SNTB1: variants seen among roughly 807,000 people sequenced by gnomAD.
SNTB1 encodes beta-1-syntrophin.
Under a neutral mutation model 48.9 loss-of-function variants are expected in SNTB1, and 36 were observed. That is an observed-to-expected ratio of 0.74 (90% CI 0.56 to 0.97). SNTB1 has a LOEUF of 0.97. Ranked by LOEUF, SNTB1 falls within the 50% of genes least tolerant of loss-of-function variation. The probability of loss-of-function intolerance (pLI) is 0.00; values close to 1 mark genes in which losing one functional copy is unlikely to be tolerated. For missense variants in SNTB1, 786 were observed against 703.4 expected (o/e 1.12, Z -1.33); for synonymous variants, 299 against 294.6 (o/e 1.01, Z -0.15).
At chr8:120,678,198 T>C (rs1817870269) in intron 2 of SNTB1, among the ~76,000 whole-genome samples, 1 of 150,308 alleles carries the variant, frequency 6.7e-6, no homozygotes, top group Admixed American at 6.6e-5. Flanking sequence ...AGTTTTGACT[T>C]CCACTGAGAA....
chr8:120,567,161 G>C (rs547190591), intron 4 of SNTB1, among the ~76,000 whole-genome samples: 3 of 152,228 alleles, frequency 2.0e-5, no homozygotes, highest in Admixed American at 6.5e-5. Flanking sequence ...AACCTTATGG[G>C]GTTGTGAGGG....
chr8:120,568,281 T>C (rs938072633), intron 4 of SNTB1, among the ~76,000 whole-genome samples: 1 of 152,148 alleles, frequency 6.6e-6, no homozygotes, highest in African/African-American at 2.4e-5. Flanking sequence ...TGCCTCCTAC[T>C]GCAATTCATT....
chr8:120,778,836 A>T (rs2130123938), intron 1 of SNTB1, among the ~76,000 whole-genome samples: 1 of 152,334 alleles, frequency 6.6e-6, no homozygotes, highest in Non-Finnish European at 1.5e-5. Flanking sequence ...AGTCTAAAAA[A>T]ACTGAAAAAA....
At chr8:120,766,142 G>A (rs1371116891) in intron 1 of SNTB1, among the ~76,000 whole-genome samples, 1 of 152,128 alleles carries the variant, frequency 6.6e-6, no homozygotes, top group African/African-American at 2.4e-5. Flanking sequence ...TCACTCTGGG[G>A]ATATTTATTG....
chr8:120,788,565 C>G (rs913441271), intron 1 of SNTB1, among the ~76,000 whole-genome samples: 1 of 151,848 alleles, frequency 6.6e-6, no homozygotes, highest in Non-Finnish European at 1.5e-5. Context: ...CAAATGGAAA[C>G]CAAAATCAAG....
chr8:120,789,489 G>T (rs1819987802), intron 1 of SNTB1, among the ~76,000 whole-genome samples: 1 of 151,882 alleles, frequency 6.6e-6, no homozygotes, highest in African/African-American at 2.4e-5. Flanking sequence ...AAAGCCACTT[G>T]CTAGATTAAC....
chr8:120,789,667 C>T (rs1013953419), intron 1 of SNTB1, among the ~76,000 whole-genome samples: 6 of 151,850 alleles, frequency 4.0e-5, no homozygotes, highest in Admixed American at 3.3e-4. Context: ...ATATAACCCC[C>T]GACCTTGCTT....
chr8:120,596,352 T>C (rs1782915381), intron 3 of SNTB1, among the ~76,000 whole-genome samples: 1 of 152,258 alleles, frequency 6.6e-6, no homozygotes, highest in African/African-American at 2.4e-5. Flanking sequence ...GTCTGTTATT[T>C]GATACCAAAA....
chr8:120,735,794 G>A (rs1036938927), intron 1 of SNTB1, among the ~76,000 whole-genome samples: 1 of 152,170 alleles, frequency 6.6e-6, no homozygotes, highest in Admixed American at 6.5e-5. Context: ...GGGAACAAAT[G>A]AGCCATCTTT....
chr8:120,806,331 A>C (rs1018404783), intron 1 of SNTB1, among the ~76,000 whole-genome samples: 5 of 152,192 alleles, frequency 3.3e-5, no homozygotes, highest in African/African-American at 1.2e-4. Flanking sequence ...CCTAAATGTA[A>C]ATGATGCCAC....
chr8:120,575,457 G>GCTGCCACACATCTGTCACTGTTTCTCAC (rs1815936094), intron 3 of SNTB1, among the ~76,000 whole-genome samples: 1 of 152,214 alleles, frequency 6.6e-6, no homozygotes, highest in Non-Finnish European at 1.5e-5. Flanking sequence ...AAGCAGCCCA[G>GCTGCCACACATCTGTCACTGTTTCTCAC]CTGCCACACA....
At chr8:120,542,085 C>T in intron 5 of SNTB1, 85 bp from the exon 6 acceptor site, 1 of 969,298 alleles carries the variant, frequency 1.0e-6, no homozygotes, top group Non-Finnish European at 1.5e-6. Flanking sequence ...CTTGCCTCCT[C>T]AGTCCCAGCG....
chr8:120,644,510 A>G (rs200846829), intron 2 of SNTB1, among the ~76,000 whole-genome samples: 1 of 152,092 alleles, frequency 6.6e-6, no homozygotes, highest in Non-Finnish European at 1.5e-5. Flanking sequence ...TTTTATGGCT[A>G]CATGGTATTC....
At chr8:120,623,936 G>T (rs945047158) in intron 3 of SNTB1, among the ~76,000 whole-genome samples, 2 of 152,018 alleles carry the variant, frequency 1.3e-5, no homozygotes, top group Non-Finnish European at 2.9e-5. Flanking sequence ...GTAATTTTTT[G>T]TTTGTTTGTT....
chr8:120,729,263 C>T (rs575331130), intron 1 of SNTB1, among the ~76,000 whole-genome samples: 134 of 152,148 alleles, frequency 8.8e-4, no homozygotes, highest in Non-Finnish European at 1.6e-3. Flanking sequence ...GGATTACAGG[C>T]GTGAGCCACT....
intron 4 of SNTB1, among the ~76,000 whole-genome samples, chr8:120,556,945 G>T (rs1238722768): frequency 6.6e-6 from 1 of 152,162 alleles, no homozygotes; most frequent in Non-Finnish European, 1.5e-5. Flanking sequence ...CAGTCATATT[G>T]CATAAGGCCT....
At chr8:120,682,069 A>G (rs1817940316) in intron 2 of SNTB1, among the ~76,000 whole-genome samples, 1 of 152,142 alleles carries the variant, frequency 6.6e-6, no homozygotes, top group East Asian at 1.9e-4. Flanking sequence ...AGGTGAACAA[A>G]ATATATTCAT....
At chr8:120,799,885 G>A (rs1820191947) in intron 1 of SNTB1, among the ~76,000 whole-genome samples, 1 of 151,976 alleles carries the variant, frequency 6.6e-6, no homozygotes, top group South Asian at 2.1e-4. Flanking sequence ...TGGGCATTAT[G>A]CAACTTTTCA....
chr8:120,733,331 T>C (rs1351407798), intron 1 of SNTB1, among the ~76,000 whole-genome samples: 2 of 152,244 alleles, frequency 1.3e-5, no homozygotes, highest in East Asian at 3.8e-4. Context: ...AAAGGTATCC[T>C]TGGCTGGCAA....
Sources: allele counts gnomAD v4.1 joint callset (sites outside exome capture counted in the v4.1 genomes callset), GRCh38; gene constraint gnomAD v4.1.1; transcripts MANE v1.5; gene names NCBI Gene and HGNC (gene_info 2026-07-23, HGNC 2026-07-21).